The following EHMT1 variants were observed in gnomAD, a reference collection of about 807,000 sequenced individuals.
EHMT1 encodes the protein euchromatic histone lysine methyltransferase 1, also known as histone-lysine N-methyltransferase EHMT1.
EHMT1 carries 15 observed loss-of-function variants against 147.2 expected under a neutral mutation model. That is an observed-to-expected ratio of 0.10 (90% CI 0.07 to 0.16). The LOEUF is 0.16. Among genes scored for constraint, EHMT1 ranks in the 10% least tolerant of loss-of-function variants. The pLI is 1.00. For synonymous variants in EHMT1, 795 were observed against 709.6 expected (o/e 1.12, Z -1.91); for missense variants, 1,587 against 1,772.4 (o/e 0.90, Z 1.88).
intron 1 of EHMT1, among the ~76,000 whole-genome samples, chr9:137,626,313 A>T (rs938418692): frequency 3.3e-5 from 5 of 151,904 alleles, no homozygotes; most frequent in Non-Finnish European, 7.4e-5. Flanking sequence ...AAAACTATTT[A>T]AAAAATGTCT....
At chr9:137,653,061 A>G (rs1938039619) in intron 1 of EHMT1, among the ~76,000 whole-genome samples, 2 of 152,136 alleles carry the variant, frequency 1.3e-5, no homozygotes, top group African/African-American at 4.8e-5. Flanking sequence ...CAGTGTTTAT[A>G]AAGCCTACAG....
chr9:137,798,476 C>T (rs771407863), intron 16 of EHMT1, among the ~76,000 whole-genome samples: 7 of 152,174 alleles, frequency 4.6e-5, no homozygotes, highest in Non-Finnish European at 7.3e-5. Flanking sequence ...GAGTCCCTGG[C>T]GTTTCCGGAG....
intron 1 of EHMT1, among the ~76,000 whole-genome samples, chr9:137,633,599 G>T (rs1179358190): frequency 6.6e-6 from 1 of 152,000 alleles, no homozygotes; most frequent in Non-Finnish European, 1.5e-5. Context: ...TTTAAAATGT[G>T]CACCTCAGTG....
chr9:137,821,318 CTTT>C (rs778919891), intron 25 of EHMT1, among the ~76,000 whole-genome samples: 4 of 63,978 alleles, frequency 6.3e-5, no homozygotes, highest in African/African-American at 1.4e-4. Context: ...TGCGCCCGGC[CTTT>C]TTTTTTTTTT....
chr9:137,777,940 C>A lies in EHMT1; in HGVS notation c.2077C>A (p.Pro693Thr). ...GCTGCAGGGTGCAGCCTCCCACGTG[C>A]CCGAGGGCTTTGATCCAACGGGACC... is the stretch of plus-strand genomic sequence containing the variant. ...DKLQGAASHV[P>T]EGFDPTGPAG... Residue 693 changes from proline (P) to threonine (T), a missense_variant, in exon 13 of 27, where the codon CCC becomes ACC. Transcript: ENST00000460843. 1 of 1,613,862 alleles carries A rather than the reference C, an allele frequency of 6.2e-7. No homozygotes were observed. The highest frequency in any genetic ancestry group is 2.2e-5 in the East Asian group (1 of 44,870).
chr9:137,621,883 A>G (rs1164085497), intron 1 of EHMT1, among the ~76,000 whole-genome samples: 1 of 151,614 alleles, frequency 6.6e-6, no homozygotes, highest in Non-Finnish European at 1.5e-5. Context: ...CGTGCGCATA[A>G]TTTAAAAAAT....
chr9:137,756,781 T>C (rs568404455), intron 8 of EHMT1, among the ~76,000 whole-genome samples: 29 of 152,330 alleles, frequency 1.9e-4, no homozygotes. Flanking sequence ...GAGTTTGAAT[T>C]TTATTTCTTT....
intron 1 of EHMT1, among the ~76,000 whole-genome samples, chr9:137,632,033 A>G (rs987614411): frequency 2.0e-5 from 3 of 152,342 alleles, no homozygotes; most frequent in Non-Finnish European, 2.9e-5. Context: ...CGCGCTGTGC[A>G]GGTTTATAGC....
chr9:137,717,204 C>G lies in EHMT1; in HGVS notation c.642+22C>G, dbSNP rs138785890. The G allele has an allele frequency of 8.4e-4, 1,355 of 1,609,784 alleles. 2 individuals carry two copies. The highest frequency in any genetic ancestry group is 1.1e-3 in the Non-Finnish European group (1,259 of 1,179,804). On this transcript the variant is annotated intron_variant, in intron 3 of 26. Coordinates refer to ENST00000460843, the MANE Select transcript of EHMT1 (RefSeq NM_024757.5). ...CCTGGTAATTTTGTGTCTTCTCTTG[C>G]TGTTTCCTTTTTCCCATCTCTTTTG... is the stretch of plus-strand genomic sequence containing the variant.
chr9:137,813,590 T>G lies in EHMT1; in HGVS notation c.3180+60T>G. On this transcript the variant is annotated intron_variant, in intron 21 of 26. Coordinates refer to ENST00000460843, the MANE Select transcript of EHMT1 (RefSeq NM_024757.5). The surrounding 1 kb of genome is among the most constrained non-coding windows in gnomAD (Gnocchi z 4.9). ...AGGACATGGGACAGGCAGAAGCTTC[T>G]TGAGCCTGGGGTCCTGGGTTCTCAC... 6.2e-7 allele frequency: 1 copy of G among 1,606,716 alleles called. No individual in the cohort carries two copies. The highest frequency in any genetic ancestry group is 8.5e-7 in the Non-Finnish European group (1 of 1,177,940).
At chr9:137,816,133 C>A in intron 23 of EHMT1, 71 bp downstream of exon 23, 1 of 1,398,206 alleles carries the variant, frequency 7.2e-7, no homozygotes, top group Non-Finnish European at 9.9e-7. Context: ...GAGGTCACCC[C>A]GACAGACAAG....
chr9:137,627,258 ATTTTTT>A (rs1196958635), intron 1 of EHMT1, among the ~76,000 whole-genome samples: 1 of 113,872 alleles, frequency 8.8e-6, no homozygotes. Flanking sequence ...ATGCCTGGCC[ATTTTTT>A]TTTTTTTTTT....
chr9:137,675,403 A>G (rs1291390152), intron 1 of EHMT1, among the ~76,000 whole-genome samples: 3 of 146,972 alleles, frequency 2.0e-5, no homozygotes, highest in Admixed American at 7.4e-5. Context: ...TTGGTGACCA[A>G]TAGGGGGGTT....
chr9:137,743,817 G>A, intron 5 of EHMT1, 85 bp from the exon 6 acceptor site: 1 of 1,487,876 alleles, frequency 6.7e-7, no homozygotes, highest in Non-Finnish European at 9.0e-7. Context: ...GCACCTCCCA[G>A]TCACCCAAGA....
chr9:137,669,031 C>T (rs1011641417), intron 1 of EHMT1, among the ~76,000 whole-genome samples: 1 of 152,106 alleles, frequency 6.6e-6, no homozygotes, highest in Non-Finnish European at 1.5e-5. Flanking sequence ...GGACCACGTG[C>T]GTGCGCCACT....
chr9:137,623,347 C>G (rs1302970259), intron 1 of EHMT1, among the ~76,000 whole-genome samples: 4 of 152,050 alleles, frequency 2.6e-5, no homozygotes, highest in Non-Finnish European at 4.4e-5. Context: ...GGAACACACT[C>G]TCCGTTAGCT....
At chr9:137,704,056 G>A (rs899398624) in intron 1 of EHMT1, among the ~76,000 whole-genome samples, 5 of 152,124 alleles carry the variant, frequency 3.3e-5, no homozygotes, top group African/African-American at 1.2e-4. Flanking sequence ...GATGAAGAGA[G>A]AGCAAAGGGG....
rs1179044646 is a variant in EHMT1, at chr9:137,776,177, C to G, written c.1792-441C>G. Among the ~76,000 whole-genome samples the G allele has an allele frequency of 6.6e-6, 1 of 152,212 alleles. No individual in the cohort carries two copies. Among genetic ancestry groups the G allele is most frequent in the Non-Finnish European group, 1.5e-5 (1 of 68,044 alleles). ...GCTGTTCTTACGGCTGTGTGCCCCT[C>G]CTCGAGGCTCACCTGGGTCGCCAAA... On this transcript the variant is annotated intron_variant, in intron 11 of 26. Transcript: ENST00000460843. The surrounding 1 kb of genome is among the most constrained non-coding windows in gnomAD (Gnocchi z 4.4).
intron 25 of EHMT1, among the ~76,000 whole-genome samples, chr9:137,831,050 G>C (rs762121317): frequency 6.6e-6 from 1 of 152,162 alleles, no homozygotes; most frequent in Non-Finnish European, 1.5e-5. Context: ...CCTTCTCACT[G>C]TGTCCCCACG....
Sources: allele counts gnomAD v4.1 joint callset (sites outside exome capture counted in the v4.1 genomes callset), GRCh38; gene constraint gnomAD v4.1.1; non-coding constraint Gnocchi (gnomAD v3.1); transcripts MANE v1.5; gene names NCBI Gene and HGNC (gene_info 2026-07-23, HGNC 2026-07-21).